The following STRBP variants were observed in gnomAD, a reference collection of about 807,000 sequenced individuals.
STRBP encodes spermatid perinuclear RNA-binding protein.
STRBP carries 13 observed loss-of-function variants against 80.1 expected under a neutral mutation model. That is an observed-to-expected ratio of 0.16 (90% confidence interval 0.11 to 0.26). The LOEUF is 0.26. STRBP is among the 10% of genes least tolerant of loss of function. The probability of loss-of-function intolerance (pLI) is 1.00; values close to 1 mark genes in which losing one functional copy is unlikely to be tolerated. For synonymous variants in STRBP, 284 were observed against 291.2 expected, an observed-to-expected ratio of 0.98 and a Z score of 0.25; for missense variants, 485 against 815.2, an observed-to-expected ratio of 0.59 and a Z score of 4.93.
intron 13 of STRBP, among the ~76,000 whole-genome samples, chr9:123,141,147 A>C (rs2036575604): frequency 6.6e-6 from 1 of 152,212 alleles, no homozygotes; most frequent in Non-Finnish European, 1.5e-5. Flanking sequence ...TGGCCACACA[A>C]ATGAGAAGCC....
In STRBP at chr9:123,115,300, A is replaced by G. The variant is rs1487032102; in HGVS notation, c.*84+629T>C. 6.4e-6 allele frequency: 3 copies of G among 471,094 alleles called. No individual in the cohort carries two copies. In the Admixed American group the frequency reaches 7.0e-5, roughly 11 times the overall value. 29.2% of individuals were successfully genotyped at this position (471,094 alleles called of 1,614,324 possible). ...ATCGCTCTTGGTAAATTACTCAGTAAGCACTTCTCTCCTGAGGCCTGGCTC... is the reference window on the plus strand; with the variant it reads ...ATCGCTCTTGGTAAATTACTCAGTAGGCACTTCTCTCCTGAGGCCTGGCTC... On this transcript the variant is annotated intron_variant and NMD_transcript_variant, in intron 3 of 3. Transcript: ENST00000471564. This position sits in a 1 kb window ranked among gnomAD's most constrained non-coding sequence, Gnocchi z 5.0.
At chr9:123,141,599 C>A (rs555323208) in intron 13 of STRBP, among the ~76,000 whole-genome samples, 2 of 152,196 alleles carry the variant, frequency 1.3e-5, no homozygotes, top group East Asian at 3.9e-4. Flanking sequence ...TTTGTTTATT[C>A]CAATAAAAAC....
At chr9:123,183,339 G>A (rs2038566928) in intron 3 of STRBP, among the ~76,000 whole-genome samples, 1 of 151,978 alleles carries the variant, frequency 6.6e-6, no homozygotes, top group African/African-American at 2.4e-5. Flanking sequence ...GGGAGGCTAA[G>A]GCAGGGAGAA....
At chr9:123,183,437 T>TA (rs34673681) in intron 3 of STRBP, among the ~76,000 whole-genome samples, 152 of 141,372 alleles carry the variant, frequency 1.1e-3, no homozygotes, top group Admixed American at 2.0e-3. Context: ...ACTCCGTCTT[T>TA]AAAAAAAAAA....
chr9:123,144,102 G>A (rs2036706910), intron 13 of STRBP, among the ~76,000 whole-genome samples: 1 of 151,418 alleles, frequency 6.6e-6, no homozygotes, highest in African/African-American at 2.4e-5. Flanking sequence ...GGAGGCTGAG[G>A]CAGGAGAATC....
chr9:123,137,619 G>T (rs1003032103), intron 14 of STRBP, among the ~76,000 whole-genome samples: 2 of 152,026 alleles, frequency 1.3e-5, no homozygotes, highest in African/African-American at 4.8e-5. Context: ...CGTTGGCCAG[G>T]GTGCACTCAA....
chr9:123,239,652 A>C (rs1263276981), intron 1 of STRBP, among the ~76,000 whole-genome samples: 1 of 152,364 alleles, frequency 6.6e-6, no homozygotes, highest in Admixed American at 6.5e-5. Context: ...TGCTATTCTT[A>C]TAACAGGAGC....
intron 13 of STRBP, 25 bp downstream of exon 13, chr9:123,146,830 T>C (rs112812838): frequency 1.3e-5 from 20 of 1,565,846 alleles, no homozygotes; most frequent in African/African-American, 1.1e-4. Flanking sequence ...TAAGAAAGCA[T>C]TGCAAAGTAA....
intron 1 of STRBP, among the ~76,000 whole-genome samples, chr9:123,241,695 G>A (rs1330714696): frequency 6.6e-6 from 1 of 151,700 alleles, no homozygotes; most frequent in African/African-American, 2.4e-5. Flanking sequence ...ACATCCTGTT[G>A]ACTCTATCTT....
intron 12 of STRBP, 127 bp from the exon 13 acceptor site, chr9:123,147,181 C>T: frequency 1.7e-6 from 1 of 602,406 alleles, no homozygotes; most frequent in Non-Finnish European, 2.8e-6. Flanking sequence ...TCAAAACACA[C>T]AGATTAACCT....
chr9:123,227,187 G>A (rs904726870), intron 2 of STRBP, among the ~76,000 whole-genome samples: 1 of 152,166 alleles, frequency 6.6e-6, no homozygotes, highest in South Asian at 2.1e-4. Context: ...CTCAATCAAT[G>A]TTAAATGTTA....
At chr9:123,254,501 A>G (rs1376371670) in intron 1 of STRBP, among the ~76,000 whole-genome samples, 1 of 151,210 alleles carries the variant, frequency 6.6e-6, no homozygotes, top group Non-Finnish European at 1.5e-5. Flanking sequence ...AAAGAAATCT[A>G]CCTCTTGCCC....
intron 2 of STRBP, among the ~76,000 whole-genome samples, chr9:123,192,963 A>G (rs2038975551): frequency 6.6e-6 from 1 of 152,022 alleles, no homozygotes; most frequent in East Asian, 1.9e-4. Flanking sequence ...GGGAATAATG[A>G]CTCTATGCCA....
chr9:123,124,616 C>T lies in STRBP; in HGVS notation c.*981G>A. On this transcript the variant is annotated 3_prime_UTR_variant, in exon 19 of 19. Coordinates refer to ENST00000348403, the MANE Select transcript of STRBP (RefSeq NM_018387.5). Reference sequence around the variant, plus strand: ...GGAAAGGAGACCCTTCAATGAATCCCAGCAAAATCACTAATCTTCTATCTG... The same window carrying T: ...GGAAAGGAGACCCTTCAATGAATCCTAGCAAAATCACTAATCTTCTATCTG... The T allele has an allele frequency of 1.0e-6, 1 of 985,360 alleles. No individual in the cohort carries two copies. The allele number at this position is 985,360 out of a possible 1,614,324, so 61.0% of individuals were successfully genotyped here.
At chr9:123,146,207 A>G (rs1328108725) in intron 13 of STRBP, among the ~76,000 whole-genome samples, 1 of 152,118 alleles carries the variant, frequency 6.6e-6, no homozygotes, top group East Asian at 1.9e-4. Context: ...ATATACTTAT[A>G]GAGAGATCCC....
chr9:123,155,931 C>A (rs2037265937), intron 11 of STRBP, among the ~76,000 whole-genome samples: 1 of 151,660 alleles, frequency 6.6e-6, no homozygotes, highest in Non-Finnish European at 1.5e-5. Context: ...CATTGTATAG[C>A]CAAAGCACAA....
At chr9:123,254,456 C>CAAAAAAAAAAAAAAA (rs1205708821) in intron 1 of STRBP, among the ~76,000 whole-genome samples, 10 of 65,700 alleles carry the variant, frequency 1.5e-4, no homozygotes, top group East Asian at 5.7e-4. Flanking sequence ...GACTCCGTCT[C>CAAAAAAAAAAAAAAA]AAAAAAAAAA....
At chr9:123,264,184 C>T (rs937619825) in intron 1 of STRBP, among the ~76,000 whole-genome samples, 2 of 152,072 alleles carry the variant, frequency 1.3e-5, no homozygotes, top group South Asian at 4.2e-4. Context: ...TTCCCCACCC[C>T]CAAAAAAAGA....
chr9:123,164,358 T>C (rs1403157965), intron 6 of STRBP, among the ~76,000 whole-genome samples: 1 of 152,108 alleles, frequency 6.6e-6, no homozygotes, highest in Non-Finnish European at 1.5e-5. Context: ...GAAATACAGC[T>C]TTTAAGAAAA....
Sources: allele counts gnomAD v4.1 joint callset (sites outside exome capture counted in the v4.1 genomes callset), GRCh38; gene constraint gnomAD v4.1.1; non-coding constraint Gnocchi (gnomAD v3.1); transcripts MANE v1.5; gene names NCBI Gene and HGNC (gene_info 2026-07-23, HGNC 2026-07-21).